SLC39A11: variants seen among roughly 807,000 people sequenced by gnomAD.
SLC39A11 encodes the protein zinc transporter ZIP11.
SLC39A11 carries 33 observed loss-of-function variants against 36.1 expected under a neutral mutation model. That is an observed-to-expected ratio of 0.91 (90% confidence interval 0.69 to 1.22). The LOEUF (loss-of-function observed/expected upper bound fraction) is 1.22, where lower values mean the gene tolerates loss of function less well. Among genes scored for constraint, SLC39A11 ranks in the 50% most tolerant of loss-of-function variants. The pLI is 0.00. For missense variants in SLC39A11, 432 were observed against 430.3 expected, an observed-to-expected ratio of 1.00 and a Z score of -0.03; for synonymous variants, 166 against 170.3, an observed-to-expected ratio of 0.97 and a Z score of 0.20.
intron 6 of SLC39A11, chr17:72,839,276 T>G (rs2078703246): frequency 6.6e-6 from 1 of 152,188 alleles, no homozygotes; most frequent in African/African-American, 2.4e-5. Context: ...GTTGGCCAAA[T>G]GATGGCTCCA....
intron 3 of SLC39A11, among the ~76,000 whole-genome samples, chr17:73,042,269 T>C (rs2059134161): frequency 6.6e-6 from 1 of 152,196 alleles, no homozygotes. Flanking sequence ...AAGAAAATTA[T>C]TGCACATAGC....
intron 5 of SLC39A11, among the ~76,000 whole-genome samples, chr17:72,892,409 CAAAAAA>C (rs565811065): frequency 0.018 from 1,182 of 65,748 alleles, 14 homozygotes; most frequent in African/African-American, 0.062. Context: ...GACTCCATCT[CAAAAAA>C]AAAAAAAAAA....
chr17:72,772,926 A>C (rs2076001173), intron 6 of SLC39A11, among the ~76,000 whole-genome samples: 1 of 152,094 alleles, frequency 6.6e-6, no homozygotes, highest in South Asian at 2.1e-4. Flanking sequence ...TCTACTAAAA[A>C]AATACAAAAA....
intron 6 of SLC39A11, among the ~76,000 whole-genome samples, chr17:72,789,848 G>C (rs947076769): frequency 6.6e-6 from 1 of 152,334 alleles, no homozygotes; most frequent in African/African-American, 2.4e-5. Flanking sequence ...CCTGCCATCT[G>C]AATGAATAAT....
At chr17:72,754,258 G>A (rs554777177) in intron 6 of SLC39A11, among the ~76,000 whole-genome samples, 1 of 152,050 alleles carries the variant, frequency 6.6e-6, no homozygotes, top group South Asian at 2.1e-4. Context: ...GGATGCAAAG[G>A]CATACGAATG....
intron 5 of SLC39A11, among the ~76,000 whole-genome samples, chr17:72,860,936 T>C (rs2079945012): frequency 6.6e-6 from 1 of 152,210 alleles, no homozygotes; most frequent in African/African-American, 2.4e-5. Context: ...TTACCCACTC[T>C]ACAGGATTGT....
chr17:72,895,808 G>A (rs1598316446), intron 5 of SLC39A11, among the ~76,000 whole-genome samples: 1 of 152,244 alleles, frequency 6.6e-6, no homozygotes, highest in East Asian at 1.9e-4. Flanking sequence ...CTCTAGTTGA[G>A]AATGTTCAAT....
intron 5 of SLC39A11, among the ~76,000 whole-genome samples, chr17:72,934,648 A>G (rs929756652): frequency 2.0e-5 from 3 of 152,204 alleles, no homozygotes; most frequent in Non-Finnish European, 4.4e-5. Context: ...CCTGGGCAAC[A>G]GAGCCACACT....
At chr17:72,712,936 T>C (rs1022120097) in intron 7 of SLC39A11, 1 of 152,030 alleles carries the variant, frequency 6.6e-6, no homozygotes, top group African/African-American at 2.4e-5. Context: ...TCAGTCGGTG[T>C]CAGGAAGGCA....
rs771180987 is a variant in SLC39A11, at chr17:72,896,192, CTTTTTTTTTTTTTTTT to C, written c.431-46404_431-46389del. Among the ~76,000 whole-genome samples the C allele has an allele frequency of 6.7e-5, 5 of 74,596 alleles. No homozygotes were observed. In the East Asian group the frequency reaches 1.4e-3, roughly 21 times the overall value. The allele number at this position is 74,596 out of a possible 152,430, so 48.9% of individuals were successfully genotyped here. ...CATTTGGGGATTGTTCACATTAATC[CTTTTTTTTTTTTTTTT>C]TTTTTTTTTTTGAGACAGAGTCTCG... On this transcript the variant is annotated intron_variant, in intron 5 of 9. Transcript: ENST00000255559.
intron 7 of SLC39A11, among the ~76,000 whole-genome samples, chr17:72,711,817 T>A (rs971564246): frequency 3.3e-5 from 5 of 152,196 alleles, no homozygotes; most frequent in Admixed American, 2.6e-4. Flanking sequence ...GTAGGAAAAA[T>A]TCAGAAGTGT....
intron 6 of SLC39A11, among the ~76,000 whole-genome samples, chr17:72,802,598 A>G (rs1455089382): frequency 6.6e-6 from 1 of 151,672 alleles, no homozygotes; most frequent in Non-Finnish European, 1.5e-5. Flanking sequence ...CTCAAAAAAA[A>G]AAAAAAAGAA....
intron 3 of SLC39A11, among the ~76,000 whole-genome samples, chr17:73,082,553 GA>G (rs911815680): frequency 5.3e-5 from 8 of 151,544 alleles, no homozygotes; most frequent in Non-Finnish European, 1.2e-4. Context: ...GAGGATGGGG[GA>G]AAAAAAGAGA....
At chr17:72,900,193 GAAAGAAAGAAAGAAAGAAA>G (rs2082304748) in intron 5 of SLC39A11, among the ~76,000 whole-genome samples, 1 of 146,044 alleles carries the variant, frequency 6.8e-6, no homozygotes, top group Non-Finnish European at 1.5e-5. Context: ...AAGAAAGAAA[GAAAGAAAGAAAGAAAGAAA>G]GAAAGAAAGA....
At chr17:72,790,634 C>T (rs1372919381) in intron 6 of SLC39A11, among the ~76,000 whole-genome samples, 4 of 151,666 alleles carry the variant, frequency 2.6e-5, no homozygotes, top group African/African-American at 4.8e-5. Context: ...TGGGTTCAAG[C>T]GATTCTCCTG....
At chr17:72,846,356 T>G (rs941487297) in intron 6 of SLC39A11, among the ~76,000 whole-genome samples, 1 of 151,968 alleles carries the variant, frequency 6.6e-6, no homozygotes, top group Non-Finnish European at 1.5e-5. Context: ...AAAATACTTT[T>G]GCATCACCAT....
Position 73,030,624 on chromosome 17 carries a change from TC to T in SLC39A11, c.306+931del, listed in dbSNP as rs2058708263. ...TCCAGAGAGTTCTCCCTGCACCACT[TC>T]CCTTTCTAGGGGAGCAGGGAACTCT... On this transcript the variant is annotated intron_variant, in intron 4 of 9. Coordinates refer to ENST00000255559, the MANE Select transcript of SLC39A11 (RefSeq NM_139177.4). Among the ~76,000 whole-genome samples the T allele has an allele frequency of 2.0e-5, 3 of 152,256 alleles. No individual in the cohort carries two copies. In the South Asian group the frequency reaches 6.2e-4, roughly 32 times the overall value.
chr17:72,971,737 C>CA (rs79738404), intron 4 of SLC39A11, among the ~76,000 whole-genome samples: 43,238 of 151,636 alleles, frequency 0.29, 6,896 homozygotes, highest in East Asian at 0.66. Flanking sequence ...ACCGGGATGC[C>CA]ACCCCCACAG....
chr17:72,965,285 G>T (rs1484636912), intron 4 of SLC39A11, among the ~76,000 whole-genome samples: 1 of 151,810 alleles, frequency 6.6e-6, no homozygotes, highest in Non-Finnish European at 1.5e-5. Context: ...CATCTCTAAA[G>T]GTTGAAAAAA....
Sources: allele counts gnomAD v4.1 joint callset (sites outside exome capture counted in the v4.1 genomes callset), GRCh38; gene constraint gnomAD v4.1.1; transcripts MANE v1.5; gene names NCBI Gene and HGNC (gene_info 2026-07-23, HGNC 2026-07-21).